The following DYSF variants were observed in gnomAD, a reference collection of about 807,000 sequenced individuals.
The protein encoded by DYSF is dystrophy-associated fer-1-like 1.
A neutral mutation model predicts 274.9 loss-of-function variants in DYSF; 212 were observed. That is an observed-to-expected ratio of 0.77 (90% confidence interval 0.69 to 0.86). The LOEUF is 0.86. Among genes scored for constraint, DYSF ranks in the 40% least tolerant of loss-of-function variants. The probability of loss-of-function intolerance (pLI) is 0.00; values close to 1 mark genes in which losing one functional copy is unlikely to be tolerated. For synonymous variants in DYSF, 1,091 were observed against 1,078.7 expected (o/e 1.01, Z -0.22); for missense variants, 2,666 against 2,783.2 (o/e 0.96, Z 0.95).
At chr2:71,470,650 G>A (rs1194973247) in intron 1 of DYSF, among the ~76,000 whole-genome samples, 7 of 144,834 alleles carry the variant, frequency 4.8e-5, no homozygotes, top group Non-Finnish European at 9.0e-5. Context: ...CTCCAGCCTG[G>A]GTGACAGAGT....
rs886043966 is a variant in DYSF, at chr2:71,669,608, G to A, written c.5646G>A (p.Trp1882Ter). Residue 1882 changes from tryptophan to a stop codon, truncating the protein, a stop_gained, in exon 51 of 56, where the codon TGG becomes TGA. Coordinates refer to ENST00000410020, the MANE Select transcript of DYSF (RefSeq NM_001130987.2). LOFTEE classifies it high-confidence loss of function. ...EKMSDIYVKG[W>*]MIGFEEHKQK... ...CTCTAAAAACATGTATGTCTAGTTG[G>A]ATGATTGGCTTTGAAGAACACAAGC... The A allele has an allele frequency of 6.2e-7, 1 of 1,614,222 alleles. No individual in the cohort carries two copies. The highest frequency in any genetic ancestry group is 1.3e-5 in the African/African-American group (1 of 75,042).
rs113649908 is a variant in DYSF, at chr2:71,637,387, G to A, written c.4528-6578G>A. ...AAGGTAGCACGTGGCATGGGTGCTG[G>A]TGGGGGCTTGGGGAAGTCTCTTCTG... On this transcript the variant is annotated intron_variant, in intron 41 of 55. Transcript: ENST00000410020. Among the ~76,000 whole-genome samples the A allele has an allele frequency of 1.2e-3, 181 of 152,334 alleles. 1 individual carries two copies. Among genetic ancestry groups the A allele is most frequent in the African/African-American group, 4.1e-3 (171 of 41,578 alleles).
At chr2:71,506,707 T>C (rs1207617399) in intron 4 of DYSF, among the ~76,000 whole-genome samples, 1 of 152,130 alleles carries the variant, frequency 6.6e-6, no homozygotes, top group East Asian at 1.9e-4. Flanking sequence ...GTCCTGGTCC[T>C]GGGTGGGGCC....
At chr2:71,479,547 C>G (rs1027637649) in intron 1 of DYSF, among the ~76,000 whole-genome samples, 2 of 152,230 alleles carry the variant, frequency 1.3e-5, no homozygotes, top group Non-Finnish European at 2.9e-5. Context: ...TCCCAGCCTA[C>G]GGCTCTTCCA....
intron 32 of DYSF, among the ~76,000 whole-genome samples, chr2:71,596,263 G>C (rs1462867373): frequency 6.6e-6 from 1 of 152,146 alleles, no homozygotes; most frequent in Non-Finnish European, 1.5e-5. Flanking sequence ...GAGTCAGCCT[G>C]CTCGGGGGCC....
Position 71,556,313 on chromosome 2 carries a change from C to T in DYSF, c.2216+242C>T, listed in dbSNP as rs755971799. ...GCTGCGGGCCCGGCGGCCGGCTCAC[C>T]TGAATGGGGAGCATTGTGTCTCTGA... On this transcript the variant is annotated intron_variant, in intron 22 of 55. Coordinates refer to ENST00000410020, the MANE Select transcript of DYSF (RefSeq NM_001130987.2). 1.5e-3 allele frequency among the ~76,000 whole-genome samples: 235 copies of T among 152,240 alleles called. 4 individuals carry two copies. Among genetic ancestry groups the T allele is most frequent in the Non-Finnish European group, 3.8e-4 (26 of 68,044 alleles).
chr2:71,680,636 C>T (rs1027189846), intron 53 of DYSF, among the ~76,000 whole-genome samples: 4 of 152,080 alleles, frequency 2.6e-5, no homozygotes, highest in East Asian at 1.9e-4. Context: ...CATTAAAAAC[C>T]GAACTTTAAA....
At chr2:71,514,035 G>A in intron 7 of DYSF, 114 bp downstream of exon 7, 2 of 1,245,804 alleles carry the variant, frequency 1.6e-6, no homozygotes, top group Admixed American at 3.9e-5. Flanking sequence ...GATCCTCAGG[G>A]CCCTCCTGTG....
intron 33 of DYSF, among the ~76,000 whole-genome samples, chr2:71,599,149 G>T (rs186703509): frequency 4.7e-4 from 71 of 152,276 alleles, no homozygotes; most frequent in Admixed American, 4.6e-3. Context: ...TGGGAGCCCA[G>T]ACACCCACAC....
intron 1 of DYSF, among the ~76,000 whole-genome samples, chr2:71,468,046 C>T (rs1382358163): frequency 1.3e-5 from 2 of 152,134 alleles, no homozygotes; most frequent in Non-Finnish European, 2.9e-5. Context: ...ATATGTATTC[C>T]TCTTTTGAAA....
At chr2:71,558,692 G>T (rs941033898) in intron 22 of DYSF, among the ~76,000 whole-genome samples, 2 of 152,134 alleles carry the variant, frequency 1.3e-5, no homozygotes, top group Admixed American at 6.5e-5. Flanking sequence ...AACAGTTCTG[G>T]CGCCTTTGAG....
chr2:71,625,539 C>T (rs1189570339), intron 41 of DYSF, among the ~76,000 whole-genome samples: 7 of 152,010 alleles, frequency 4.6e-5, no homozygotes, highest in Admixed American at 2.6e-4. Context: ...TTGTCTTTCT[C>T]TGGGCTATTT....
intron 3 of DYSF, among the ~76,000 whole-genome samples, chr2:71,486,113 T>A (rs1048156249): frequency 6.6e-6 from 1 of 151,828 alleles, no homozygotes; most frequent in African/African-American, 2.4e-5. Flanking sequence ...AGTTGGTGGG[T>A]TCCAGTGAGG....
At chr2:71,593,125 C>CTTTTTTTTT (rs35900869) in intron 32 of DYSF, among the ~76,000 whole-genome samples, 2 of 85,562 alleles carry the variant, frequency 2.3e-5, no homozygotes, top group Non-Finnish European at 4.4e-5. Flanking sequence ...TCAGTGACTT[C>CTTTTTTTTT]TTTTTTTTTT....
intron 6 of DYSF, 75 bp from the exon 7 acceptor site, chr2:71,513,641 T>C (rs2086336056): frequency 1.3e-6 from 2 of 1,504,308 alleles, no homozygotes; most frequent in Admixed American, 1.7e-5. Flanking sequence ...TTCTGCCCCC[T>C]GGGCTGGGTC....
intron 1 of DYSF, among the ~76,000 whole-genome samples, chr2:71,474,611 G>C (rs2082266541): frequency 6.6e-6 from 1 of 152,160 alleles, no homozygotes; most frequent in South Asian, 2.1e-4. Flanking sequence ...CTTAGTGAAT[G>C]TTTCGTTTCT....
chr2:71,516,892 T>C lies in DYSF; in HGVS notation c.952-97T>C, dbSNP rs1172477490. The C allele has an allele frequency of 7.5e-6, 8 of 1,069,734 alleles. No homozygotes were observed. In the South Asian group the frequency reaches 1.0e-4, roughly 13 times the overall value. 66.3% of individuals were successfully genotyped at this position (1,069,734 alleles called of 1,614,324 possible). A position where few individuals can be genotyped will look rare whatever the true frequency, so the allele number is the denominator to read the frequency against. ...TCTCTGGAATTGAGTAAGTGTGAAG[T>C]GTTGGCAGTTATTGTTTGGGAGGGA... On this transcript the variant is annotated intron_variant, in intron 9 of 55. Coordinates refer to ENST00000410020, the MANE Select transcript of DYSF (RefSeq NM_001130987.2).
At chr2:71,610,927 A>G (rs1298266877) in intron 36 of DYSF, 4 of 417,196 alleles carry the variant, frequency 9.6e-6, no homozygotes, top group Non-Finnish European at 1.8e-5. Context: ...TGTGCGTATC[A>G]GGGAGGGGCA....
At chr2:71,651,465 AAAC>A (rs1474297405) in intron 42 of DYSF, among the ~76,000 whole-genome samples, 65 of 152,292 alleles carry the variant, frequency 4.3e-4, no homozygotes, top group African/African-American at 1.5e-3. Flanking sequence ...AGGAAAAGAG[AAAC>A]AGAACTGTCT....
Sources: allele counts gnomAD v4.1 joint callset (sites outside exome capture counted in the v4.1 genomes callset), GRCh38; gene constraint gnomAD v4.1.1; transcripts MANE v1.5; gene names NCBI Gene and HGNC (gene_info 2026-07-23, HGNC 2026-07-21).